The following GTF2A1L variants were observed in gnomAD, a reference collection of about 807,000 sequenced individuals.
The protein encoded by GTF2A1L is TFIIA-alpha and beta-like factor.
GTF2A1L carries 48 observed loss-of-function variants against 49.7 expected under a neutral mutation model. The ratio of observed to expected loss-of-function variants is 0.97; its 90% CI spans 0.77 to 1.23. GTF2A1L has a LOEUF of 1.23. GTF2A1L is among the 50% of genes most tolerant of loss of function. GTF2A1L has a pLI of 0.00. For missense variants in GTF2A1L, 736 were observed against 564.8 expected, an observed-to-expected ratio of 1.30 and a Z score of -3.07; for synonymous variants, 246 against 193.5, an observed-to-expected ratio of 1.27 and a Z score of -2.25.
chr2:48,620,779 GAATAAATAAATA>G lies in GTF2A1L; in HGVS notation c.22-41_22-30del, dbSNP rs4034706. The G allele has an allele frequency of 1.7e-3, 1,010 of 609,572 alleles. 38 individuals carry two copies. In the East Asian group the frequency reaches 0.051, roughly 31 times the overall value. The allele number at this position is 609,572 out of a possible 1,614,324, so 37.8% of individuals were successfully genotyped here. ...GCAACAGAGCATGACTCCATCTCAA[GAATAAATAAATA>G]AATAAATAAATAAATAAATAAATAA... On this transcript the variant is annotated intron_variant, in intron 1 of 8. Coordinates refer to ENST00000403751, the MANE Select transcript of GTF2A1L (RefSeq NM_006872.5).
chr2:48,669,617 G>A, intron 6 of GTF2A1L, 105 bp from the exon 7 acceptor site: 2 of 1,394,494 alleles, frequency 1.4e-6, no homozygotes, highest in Admixed American at 2.4e-5. Flanking sequence ...AGAGAAGTTT[G>A]CTTGAACTGA....
chr2:48,631,898 C>T (rs1194690101), intron 3 of GTF2A1L, among the ~76,000 whole-genome samples: 1 of 152,036 alleles, frequency 6.6e-6, no homozygotes, highest in East Asian at 1.9e-4. Flanking sequence ...TGATTTCTGC[C>T]TTAACTTTGT....
At chr2:48,626,739 A>G (rs1676315647) in intron 3 of GTF2A1L, among the ~76,000 whole-genome samples, 2 of 143,610 alleles carry the variant, frequency 1.4e-5, no homozygotes, top group Non-Finnish European at 3.1e-5. Context: ...ACATCTGACT[A>G]ATTTTTGTAT....
At chr2:48,653,274 A>G (rs1347793153) in intron 6 of GTF2A1L, among the ~76,000 whole-genome samples, 1 of 151,842 alleles carries the variant, frequency 6.6e-6, no homozygotes, top group East Asian at 1.9e-4. Flanking sequence ...GGCATGATAT[A>G]TATACAATAA....
intron 6 of GTF2A1L, among the ~76,000 whole-genome samples, chr2:48,662,494 TC>T (rs1397601891): frequency 4.6e-5 from 7 of 152,162 alleles, no homozygotes; most frequent in Non-Finnish European, 7.4e-5. Context: ...AATTTATCTT[TC>T]ATTTTTTAAA....
intron 6 of GTF2A1L, among the ~76,000 whole-genome samples, chr2:48,656,567 TGTA>T (rs1162717220): frequency 6.6e-6 from 1 of 152,032 alleles, no homozygotes; most frequent in African/African-American, 2.4e-5. Flanking sequence ...GTTGTTGACT[TGTA>T]GTTCTTTATA....
chr2:48,619,989 C>T (rs1362797041), intron 1 of GTF2A1L, among the ~76,000 whole-genome samples: 2 of 152,074 alleles, frequency 1.3e-5, no homozygotes, highest in African/African-American at 2.4e-5. Flanking sequence ...GATAATGGTC[C>T]AGAATATATA....
intron 6 of GTF2A1L, among the ~76,000 whole-genome samples, chr2:48,649,744 C>T (rs141005403): frequency 6.6e-6 from 1 of 152,094 alleles, no homozygotes; most frequent in African/African-American, 2.4e-5. Context: ...AACACATCAC[C>T]GACTGCCCTT....
chr2:48,646,290 A>G (rs1677501793), intron 5 of GTF2A1L, 163 bp from the exon 6 acceptor site: 7 of 517,164 alleles, frequency 1.4e-5, no homozygotes. Context: ...AAATCCAAAA[A>G]TGTCTGAAGA....
intron 6 of GTF2A1L, among the ~76,000 whole-genome samples, chr2:48,650,685 A>G (rs1370844031): frequency 6.6e-6 from 1 of 152,190 alleles, no homozygotes; most frequent in Non-Finnish European, 1.5e-5. Flanking sequence ...CTTCATTATA[A>G]GAAGAAAGCC....
Position 48,654,870 on chromosome 2 carries a change from C to G in GTF2A1L, c.978+7828C>G, listed in dbSNP as rs191945306. Among the ~76,000 whole-genome samples, 10 of 152,264 alleles carry G rather than the reference C, an allele frequency of 6.6e-5. No individual in the cohort carries two copies. In the East Asian group the frequency reaches 1.5e-3, roughly 23 times the overall value. On this transcript the variant is annotated intron_variant, in intron 6 of 8. Coordinates refer to ENST00000403751, the MANE Select transcript of GTF2A1L (RefSeq NM_006872.5). The stretch of plus-strand genomic sequence containing the variant: ...CACTCTGTTTCATTAATTCATGTGA[C>G]TATCTTTTTGCTAGGACCACACTGT...
chr2:48,678,324 G>A (rs1407457970), intron 8 of GTF2A1L, among the ~76,000 whole-genome samples: 6 of 151,962 alleles, frequency 3.9e-5, no homozygotes, highest in South Asian at 2.1e-4. Flanking sequence ...TTTAAGACAC[G>A]TGCAAGTGAC....
chr2:48,675,292 G>A (rs540850017), intron 8 of GTF2A1L, among the ~76,000 whole-genome samples: 3 of 152,064 alleles, frequency 2.0e-5, no homozygotes, highest in African/African-American at 4.8e-5. Flanking sequence ...TGAGTCCCAC[G>A]CCAGAGTACT....
At chr2:48,628,754 A>T (rs889262557) in intron 3 of GTF2A1L, among the ~76,000 whole-genome samples, 1 of 143,564 alleles carries the variant, frequency 7.0e-6, no homozygotes, top group Non-Finnish European at 1.6e-5. Context: ...TTTTGTTGCA[A>T]TTGCTTTTGA....
chr2:48,647,319 T>C (rs1677578468), intron 6 of GTF2A1L, among the ~76,000 whole-genome samples: 1 of 152,184 alleles, frequency 6.6e-6, no homozygotes. Flanking sequence ...TCTTTCTTTA[T>C]TGTTGTTTTT....
intron 6 of GTF2A1L, among the ~76,000 whole-genome samples, chr2:48,666,584 G>T (rs1005263687): frequency 6.8e-6 from 1 of 147,046 alleles, no homozygotes; most frequent in Admixed American, 6.8e-5. Flanking sequence ...AACTTGTCAG[G>T]GTGTGTGTGT....
At position 48,630,755 on chromosome 2, in the gene GTF2A1L, G is replaced by T. The variant is rs1381467566; in HGVS notation, c.247+9465G>T. Among the ~76,000 whole-genome samples, 3 of 104,920 alleles carry T rather than the reference G, an allele frequency of 2.9e-5. 1 individual carries two copies. Among genetic ancestry groups the T allele is most frequent in the Non-Finnish European group, 7.2e-5 (3 of 41,732 alleles). The allele number at this position is 104,920 out of a possible 152,430, so 68.8% of individuals were successfully genotyped here. Reference sequence around the variant, plus strand: ...TGTTGGCTGTGAGTTTGTCATAGATGGCTCTTATTATTTTGAGGTATGTTC... The same window carrying T: ...TGTTGGCTGTGAGTTTGTCATAGATTGCTCTTATTATTTTGAGGTATGTTC... On this transcript the variant is annotated intron_variant, in intron 3 of 8. Coordinates refer to ENST00000403751, the MANE Select transcript of GTF2A1L (RefSeq NM_006872.5).
chr2:48,678,880 C>G (rs1679612061), intron 8 of GTF2A1L, among the ~76,000 whole-genome samples: 1 of 152,014 alleles, frequency 6.6e-6, no homozygotes, highest in Admixed American at 6.6e-5. Context: ...CTGTTCACTT[C>G]TATTCCTTTT....
chr2:48,620,379 T>C (rs1283308735), intron 1 of GTF2A1L, among the ~76,000 whole-genome samples: 1 of 152,192 alleles, frequency 6.6e-6, no homozygotes, highest in African/African-American at 2.4e-5. Flanking sequence ...TAAGACTATA[T>C]TGGGAATAGG....
Sources: allele counts gnomAD v4.1 joint callset (sites outside exome capture counted in the v4.1 genomes callset), GRCh38; gene constraint gnomAD v4.1.1; transcripts MANE v1.5; gene names NCBI Gene and HGNC (gene_info 2026-07-23, HGNC 2026-07-21).